MAGI3: variants seen among roughly 807,000 people sequenced by gnomAD.
MAGI3 encodes membrane-associated guanylate kinase, WW and PDZ domain-containing protein 3.
Under a neutral mutation model 121.8 loss-of-function variants are expected in MAGI3, and 43 were observed. The observed-to-expected ratio is 0.35, with a 90% CI of 0.28 to 0.46. The LOEUF is 0.46. Among genes scored for constraint, MAGI3 ranks in the 20% least tolerant of loss-of-function variants. The pLI is 1.00. For synonymous variants in MAGI3, 553 were observed against 639.3 expected (o/e 0.86, Z 2.04); for missense variants, 1,547 against 1,797.3 (o/e 0.86, Z 2.52).
chr1:113,449,586 C>T, intron 1 of MAGI3: 1 of 625,106 alleles, frequency 1.6e-6, no homozygotes, highest in Non-Finnish European at 2.8e-6. Flanking sequence ...TCTGCAAGTG[C>T]ATTTTTTTTT....
At chr1:113,517,087 A>G (rs1287359878) in intron 1 of MAGI3, among the ~76,000 whole-genome samples, 1 of 151,996 alleles carries the variant, frequency 6.6e-6, no homozygotes, top group Admixed American at 6.6e-5. Flanking sequence ...AGTAAATGTA[A>G]TGTGGTATTC....
intron 1 of MAGI3, among the ~76,000 whole-genome samples, chr1:113,526,942 G>C (rs921332562): frequency 2.0e-5 from 3 of 152,092 alleles, no homozygotes; most frequent in African/African-American, 7.2e-5. Context: ...GTAAATTTGG[G>C]TCAGTTATTA....
intron 5 of MAGI3, among the ~76,000 whole-genome samples, chr1:113,591,074 G>T (rs1159280325): frequency 6.6e-6 from 1 of 152,050 alleles, no homozygotes; most frequent in East Asian, 1.9e-4. Context: ...GTTTGAGTTT[G>T]ATGTGTTCAG....
chr1:113,426,808 T>C (rs1051803954), intron 1 of MAGI3, among the ~76,000 whole-genome samples: 1 of 152,170 alleles, frequency 6.6e-6, no homozygotes, highest in Admixed American at 6.5e-5. Context: ...AGACAGCCTA[T>C]AGTTTGTTCA....
intron 1 of MAGI3, among the ~76,000 whole-genome samples, chr1:113,517,295 T>G (rs1027305938): frequency 2.6e-5 from 4 of 151,948 alleles, no homozygotes; most frequent in Non-Finnish European, 5.9e-5. Context: ...ACGATTTTTC[T>G]GTAAATCTAA....
At chr1:113,622,753 T>C (rs1169814054) in intron 8 of MAGI3, 53 bp from the exon 9 acceptor site, 1 of 1,366,500 alleles carries the variant, frequency 7.3e-7, no homozygotes, top group African/African-American at 1.5e-5. Context: ...CTCTGAGTGC[T>C]ATATTCATTG....
intron 15 of MAGI3, among the ~76,000 whole-genome samples, chr1:113,654,261 C>A (rs1146182): frequency 0.77 from 116,804 of 152,140 alleles, 45,894 homozygotes; most frequent in African/African-American, 0.91. Flanking sequence ...CTCCATTTGC[C>A]TCAAGGTTAT....
chr1:113,610,641 A>G (rs929183603), intron 6 of MAGI3, among the ~76,000 whole-genome samples: 2 of 151,908 alleles, frequency 1.3e-5, no homozygotes, highest in Non-Finnish European at 2.9e-5. Flanking sequence ...CCTTTCCCTC[A>G]CTGTCTCCTC....
chr1:113,662,656 C>T (rs1465207510), intron 16 of MAGI3, among the ~76,000 whole-genome samples: 1 of 152,160 alleles, frequency 6.6e-6, no homozygotes, highest in Non-Finnish European at 1.5e-5. Flanking sequence ...TCACTGCTCC[C>T]ATTGGCAAGC....
rs1178584488 is a variant in MAGI3 at position 113,682,800 on chromosome 1, A to T, written c.3329-97A>T. 102 of 1,453,114 alleles carry T rather than the reference A, an allele frequency of 7.0e-5. 1 individual carries two copies. Among genetic ancestry groups the T allele is most frequent in the Non-Finnish European group, 1.4e-5 (15 of 1,106,174 alleles). The allele number at this position is 1,453,114 out of a possible 1,614,324, so 90.0% of individuals were successfully genotyped here. ...TATAAAATACTCAGGCTTTTTAAGC[A>T]GTTACGACAATTCAAATGGCTGTCA... On this transcript the variant is annotated intron_variant, in intron 20 of 20. Coordinates refer to ENST00000307546, the MANE Select transcript of MAGI3 (RefSeq NM_001142782.2).
At chr1:113,525,603 GC>G (rs1658412805) in intron 1 of MAGI3, among the ~76,000 whole-genome samples, 1 of 150,602 alleles carries the variant, frequency 6.6e-6, no homozygotes, top group Non-Finnish European at 1.5e-5. Flanking sequence ...TTAAATGAAG[GC>G]TACATTTTAT....
chr1:113,649,470 A>G, intron 13 of MAGI3, 142 bp downstream of exon 13: 1 of 566,978 alleles, frequency 1.8e-6, no homozygotes, highest in Non-Finnish European at 3.1e-6. Context: ...CATTATTATC[A>G]TAGTCCCTCA....
intron 1 of MAGI3, among the ~76,000 whole-genome samples, chr1:113,545,280 A>G (rs975306616): frequency 1.3e-5 from 2 of 152,214 alleles, no homozygotes; most frequent in Non-Finnish European, 2.9e-5. Context: ...GATGATCACC[A>G]TGAATCAATA....
rs748296827 is a variant in MAGI3, at chr1:113,673,519, G to A, written c.3189+54G>A. ...GTTCAGGCTCTAGACTAGAAACTTCGAAAGATATTAATAATTGATTTAAAG... is the reference window on the plus strand; with the variant it reads ...GTTCAGGCTCTAGACTAGAAACTTCAAAAGATATTAATAATTGATTTAAAG... On this transcript the variant is annotated intron_variant, in intron 19 of 20. Transcript: ENST00000307546. 1,001 of 1,544,342 alleles carry A rather than the reference G, an allele frequency of 6.5e-4. 1 individual carries two copies. The highest frequency in any genetic ancestry group is 8.3e-4 in the Non-Finnish European group (947 of 1,138,030).
chr1:113,414,866 G>A (rs114760270), intron 1 of MAGI3, among the ~76,000 whole-genome samples: 3,523 of 152,018 alleles, frequency 0.023, 131 homozygotes, highest in African/African-American at 0.08. Context: ...TATTACTAAA[G>A]CAGATTTAAA....
chr1:113,508,592 G>A (rs950966480), intron 1 of MAGI3, among the ~76,000 whole-genome samples: 2 of 152,168 alleles, frequency 1.3e-5, no homozygotes, highest in Non-Finnish European at 2.9e-5. Flanking sequence ...GAACAGAATT[G>A]GATAGAGAAC....
chr1:113,494,073 T>C (rs1023255369), intron 1 of MAGI3, among the ~76,000 whole-genome samples: 2 of 152,194 alleles, frequency 1.3e-5, no homozygotes, highest in African/African-American at 4.8e-5. Flanking sequence ...CATGCACTTA[T>C]ATGTTCATTG....
At chr1:113,406,152 T>C (rs374100699) in intron 1 of MAGI3, among the ~76,000 whole-genome samples, 1 of 151,030 alleles carries the variant, frequency 6.6e-6, no homozygotes, top group Non-Finnish European at 1.5e-5. Context: ...TAAAAAAAAA[T>C]AGTGGGCCGG....
At chr1:113,473,001 T>A (rs1367228831) in intron 1 of MAGI3, among the ~76,000 whole-genome samples, 2 of 152,238 alleles carry the variant, frequency 1.3e-5, no homozygotes, top group Non-Finnish European at 2.9e-5. Context: ...ACACCACTAT[T>A]ACGGTATTAG....
Sources: allele counts gnomAD v4.1 joint callset (sites outside exome capture counted in the v4.1 genomes callset), GRCh38; gene constraint gnomAD v4.1.1; transcripts MANE v1.5; gene names NCBI Gene and HGNC (gene_info 2026-07-23, HGNC 2026-07-21).